The following ADAM12 variants were observed in gnomAD, a reference collection of about 807,000 sequenced individuals.
The protein encoded by ADAM12 is ADAM metallopeptidase domain 12.
Under a neutral mutation model 106.4 loss-of-function variants are expected in ADAM12, and 70 were observed. The observed-to-expected ratio is 0.66, with a 90% confidence interval of 0.54 to 0.80. ADAM12 has a LOEUF of 0.80. Ranked by LOEUF, ADAM12 falls within the 30% of genes least tolerant of loss-of-function variation. The pLI is 0.00. For missense variants in ADAM12, 1,010 were observed against 1,171.9 expected, an observed-to-expected ratio of 0.86 and a Z score of 2.02; for synonymous variants, 420 against 433.5, an observed-to-expected ratio of 0.97 and a Z score of 0.39.
intron 4 of ADAM12, among the ~76,000 whole-genome samples, chr10:126,154,663 C>G (rs557673941): frequency 6.6e-6 from 1 of 152,148 alleles, no homozygotes; most frequent in East Asian, 1.9e-4. Flanking sequence ...GGAGAGTACA[C>G]AGTAAACATT....
chr10:126,066,605 G>A lies in ADAM12; in HGVS notation c.1413+112C>T. ...GGCGTGAGAAGGAGGGATGGTGCGT[G>A]CTGTGGTGAGTGCTGGGAAACCTTC... On this transcript the variant is annotated intron_variant, in intron 13 of 22. Transcript: ENST00000448723. The surrounding 1 kb of genome is among the most constrained non-coding windows in gnomAD (Gnocchi z 5.1). The A allele has an allele frequency of 1.0e-6, 1 of 964,570 alleles. No homozygotes were observed. The highest frequency in any genetic ancestry group is 1.6e-6 in the Non-Finnish European group (1 of 610,068). 59.8% of individuals were successfully genotyped at this position (964,570 alleles called of 1,614,324 possible).
intron 5 of ADAM12, among the ~76,000 whole-genome samples, chr10:126,126,278 C>T (rs1350047724): frequency 1.3e-5 from 2 of 152,060 alleles, no homozygotes; most frequent in Non-Finnish European, 2.9e-5. Context: ...GATGAGTGAC[C>T]TTCGAGGTCC....
chr10:126,104,407 G>C (rs1047399804), intron 8 of ADAM12, among the ~76,000 whole-genome samples: 8 of 149,200 alleles, frequency 5.4e-5, no homozygotes, highest in African/African-American at 2.0e-4. Flanking sequence ...CCAAGATGGC[G>C]CCATTGCACT....
At chr10:126,148,418 G>T (rs905926779) in intron 4 of ADAM12, among the ~76,000 whole-genome samples, 1 of 152,132 alleles carries the variant, frequency 6.6e-6, no homozygotes, top group Non-Finnish European at 1.5e-5. Flanking sequence ...GAAAAACAAT[G>T]CAAAGCCTCG....
intron 3 of ADAM12, among the ~76,000 whole-genome samples, chr10:126,182,225 T>C (rs904459627): frequency 2.0e-4 from 30 of 151,840 alleles, no homozygotes; most frequent in African/African-American, 7.3e-4. Flanking sequence ...GTAGAGGGAG[T>C]ATGTGGTACA....
intron 21 of ADAM12, among the ~76,000 whole-genome samples, chr10:126,033,171 T>A (rs1483590181): frequency 1.3e-5 from 2 of 152,180 alleles, no homozygotes; most frequent in African/African-American, 2.4e-5. Context: ...TCCCTACTCC[T>A]CATTCAGTAA....
At chr10:126,061,656 G>T (rs563110203) in intron 14 of ADAM12, among the ~76,000 whole-genome samples, 1 of 152,248 alleles carries the variant, frequency 6.6e-6, no homozygotes, top group African/African-American at 2.4e-5. Flanking sequence ...AGCAGAAGTC[G>T]GAGAGGGACA....
intron 3 of ADAM12, among the ~76,000 whole-genome samples, chr10:126,248,873 T>A (rs1013448987): frequency 6.6e-6 from 1 of 151,848 alleles, no homozygotes; most frequent in Non-Finnish European, 1.5e-5. Flanking sequence ...ACCTGGCTAA[T>A]TTTTGTATTT....
intron 3 of ADAM12, among the ~76,000 whole-genome samples, chr10:126,220,922 G>T (rs1173606330): frequency 6.6e-6 from 1 of 152,228 alleles, no homozygotes; most frequent in African/African-American, 2.4e-5. Flanking sequence ...TCTCCAGCAG[G>T]CCACATGGAG....
chr10:126,029,310 T>G (rs146450086), intron 21 of ADAM12, among the ~76,000 whole-genome samples: 1 of 152,166 alleles, frequency 6.6e-6, no homozygotes, highest in Non-Finnish European at 1.5e-5. Context: ...TGCAGCACTA[T>G]TCACAATAGC....
Position 126,066,771 on chromosome 10 carries a change from A to G in ADAM12, c.1359T>C (p.Cys453=). The G allele has an allele frequency of 6.2e-7, 1 of 1,614,224 alleles. No homozygotes were observed. The highest frequency in any genetic ancestry group is 8.5e-7 in the Non-Finnish European group (1 of 1,180,030). ...CMNRCCNATT[C]TLKPDAVCAH... ...CGCACACAGCGTCCGGCTTCAGGGT[A>G]CAGGTGGTGGCATTGCAGCAGCGAT... is the stretch of plus-strand genomic sequence containing the variant. Residue 453 remains cysteine, a synonymous_variant, in exon 13 of 23, where the codon TGT becomes TGC. Coordinates refer to ENST00000448723, the MANE Select transcript of ADAM12 (RefSeq NM_001288973.2). The surrounding 1 kb of genome is among the most constrained non-coding windows in gnomAD (Gnocchi z 5.1).
chr10:126,251,399 A>G (rs1428638153), intron 3 of ADAM12, among the ~76,000 whole-genome samples: 1 of 142,554 alleles, frequency 7.0e-6, no homozygotes, highest in Non-Finnish European at 1.5e-5. Flanking sequence ...AACTTGCCCA[A>G]GGTCACTGTC....
At chr10:126,225,086 C>T (rs951989745) in intron 3 of ADAM12, among the ~76,000 whole-genome samples, 2 of 152,198 alleles carry the variant, frequency 1.3e-5, no homozygotes, top group African/African-American at 4.8e-5. Context: ...CCCACTGTTT[C>T]GACTGCTTTC....
intron 3 of ADAM12, among the ~76,000 whole-genome samples, chr10:126,158,687 A>C (rs1490307802): frequency 1.4e-5 from 2 of 144,928 alleles, no homozygotes; most frequent in African/African-American, 5.2e-5. Flanking sequence ...GAGGATGCAC[A>C]GAGCACAGGG....
intron 3 of ADAM12, among the ~76,000 whole-genome samples, chr10:126,177,352 T>A (rs564366199): frequency 9.2e-5 from 14 of 152,148 alleles, no homozygotes; most frequent in Non-Finnish European, 1.8e-4. Context: ...CCACCGTTTA[T>A]GGAACCCCTA....
At chr10:126,096,559 G>A (rs888439774) in intron 10 of ADAM12, among the ~76,000 whole-genome samples, 1 of 152,200 alleles carries the variant, frequency 6.6e-6, no homozygotes, top group Non-Finnish European at 1.5e-5. Flanking sequence ...CTGCTTCCTT[G>A]CTACATTGAT....
intron 16 of ADAM12, among the ~76,000 whole-genome samples, chr10:126,047,055 T>C (rs1274677242): frequency 6.6e-6 from 1 of 152,068 alleles, no homozygotes; most frequent in Non-Finnish European, 1.5e-5. Flanking sequence ...GCTGTTGTAG[T>C]GGTAGGCATT....
At chr10:126,033,782 A>G (rs1954010536) in intron 21 of ADAM12, among the ~76,000 whole-genome samples, 1 of 152,182 alleles carries the variant, frequency 6.6e-6, no homozygotes, top group Non-Finnish European at 1.5e-5. Flanking sequence ...TGGATTTCTC[A>G]TCACCATGGA....
intron 9 of ADAM12, among the ~76,000 whole-genome samples, chr10:126,098,715 A>G (rs1955603402): frequency 6.6e-6 from 1 of 152,178 alleles, no homozygotes; most frequent in South Asian, 2.1e-4. Flanking sequence ...TTTGTTTTCA[A>G]GACTCAGATG....
Sources: allele counts gnomAD v4.1 joint callset (sites outside exome capture counted in the v4.1 genomes callset), GRCh38; gene constraint gnomAD v4.1.1; non-coding constraint Gnocchi (gnomAD v3.1); transcripts MANE v1.5; gene names NCBI Gene and HGNC (gene_info 2026-07-23, HGNC 2026-07-21).